Variants in TRIM9 observed in about 807,000 individuals in gnomAD.
The protein encoded by TRIM9 is tripartite motif containing 9, also known as E3 ubiquitin-protein ligase TRIM9.
Under a neutral mutation model 78.3 loss-of-function variants are expected in TRIM9, and 26 were observed. The observed-to-expected ratio is 0.33, with a 90% CI of 0.24 to 0.46. The LOEUF is 0.46. Among genes scored for constraint, TRIM9 ranks in the 20% least tolerant of loss-of-function variants. The pLI, the probability that TRIM9 is intolerant of heterozygous loss-of-function variation, is 1.00. For synonymous variants in TRIM9, 398 were observed against 416.5 expected (o/e 0.96, Z 0.54); for missense variants, 787 against 1,036.4 (o/e 0.76, Z 3.30).
At chr14:50,995,336 T>G (rs1671022169) in intron 7 of TRIM9, among the ~76,000 whole-genome samples, 1 of 152,230 alleles carries the variant, frequency 6.6e-6, no homozygotes, top group African/African-American at 2.4e-5. Context: ...AAGGCTTGTT[T>G]CCTTTTCTAG....
At chr14:51,052,913 T>C (rs1176434815) in intron 1 of TRIM9, among the ~76,000 whole-genome samples, 2 of 152,112 alleles carry the variant, frequency 1.3e-5, no homozygotes, top group South Asian at 2.1e-4. Context: ...TCCCAACATT[T>C]TGGGAGGCTG....
At position 51,010,564 on chromosome 14, in the gene TRIM9, T is replaced by C. The variant is rs75859882; in HGVS notation, c.1042-70A>G. On this transcript the variant is annotated intron_variant, in intron 3 of 12. Transcript: ENST00000684578. Reference sequence around the variant, plus strand: ...GGTAGAAGAGAAGCAAACTGGACCATTGGAAAGCTTCTTCAAACCAGAATC... The same window carrying C: ...GGTAGAAGAGAAGCAAACTGGACCACTGGAAAGCTTCTTCAAACCAGAATC... The C allele has an allele frequency of 4.0e-4, 448 of 1,119,126 alleles. 1 individual carries two copies. In the African/African-American group the frequency reaches 6.6e-3, roughly 16 times the overall value. 69.3% of individuals were successfully genotyped at this position (1,119,126 alleles called of 1,614,324 possible).
intron 7 of TRIM9, chr14:50,996,801 G>A: frequency 2.0e-6 from 2 of 985,384 alleles, no homozygotes; most frequent in Non-Finnish European, 2.4e-6. Context: ...CTCCAAATGG[G>A]AACAGGTCAT....
intron 6 of TRIM9, 51 bp downstream of exon 6, chr14:51,000,632 G>A (rs779366827): frequency 6.2e-7 from 1 of 1,604,804 alleles, no homozygotes; most frequent in Non-Finnish European, 8.5e-7. Context: ...CAGGTCCTCT[G>A]ACAGAGTCAC....
chr14:50,982,373 G>A (rs2052060824), intron 10 of TRIM9: 3 of 509,664 alleles, frequency 5.9e-6, no homozygotes, highest in East Asian at 3.5e-5. Flanking sequence ...AAGTGGCATC[G>A]ATTTTGGAAG....
At chr14:51,054,868 C>T (rs914345031) in intron 1 of TRIM9, among the ~76,000 whole-genome samples, 3 of 141,598 alleles carry the variant, frequency 2.1e-5, no homozygotes, top group African/African-American at 8.0e-5. Flanking sequence ...CTGGCTCTGT[C>T]GCCCAGGCTG....
chr14:51,034,066 A>T (rs1342286141), intron 1 of TRIM9, among the ~76,000 whole-genome samples: 1 of 152,172 alleles, frequency 6.6e-6, no homozygotes, highest in African/African-American at 2.4e-5. Flanking sequence ...GACTTTTCAA[A>T]CTGGTAATCC....
intron 3 of TRIM9, among the ~76,000 whole-genome samples, chr14:51,021,977 T>C (rs951766100): frequency 1.3e-5 from 2 of 151,498 alleles, no homozygotes; most frequent in Non-Finnish European, 2.9e-5. Context: ...ATTCTATTTT[T>C]CAATTCAAAA....
At chr14:50,978,538 C>T (rs555900811) in intron 12 of TRIM9, among the ~76,000 whole-genome samples, 2 of 152,320 alleles carry the variant, frequency 1.3e-5, no homozygotes, top group Non-Finnish European at 2.9e-5. Context: ...CACTCCCTCA[C>T]TCCTTTAAGG....
intron 1 of TRIM9, among the ~76,000 whole-genome samples, chr14:51,047,409 T>G (rs1354513855): frequency 1.3e-5 from 2 of 152,184 alleles, no homozygotes; most frequent in African/African-American, 4.8e-5. Context: ...GACAGGTGTG[T>G]GGACCCATAG....
rs376432613 is a variant in TRIM9, at chr14:50,990,148, G to A, written c.1604-4004C>T. On this transcript the variant is annotated intron_variant, in intron 7 of 12. Transcript: ENST00000684578. ...TCCTCCTCCCTCAGCATCCTGAGTA[G>A]CTGGAACTACAGGTGCATACCACTG... 3.3e-5 allele frequency among the ~76,000 whole-genome samples: 5 copies of A among 152,296 alleles called. No individual in the cohort carries two copies. The East Asian group carries it at 5.8e-4, about 18-fold the overall frequency.
intron 1 of TRIM9, among the ~76,000 whole-genome samples, chr14:51,092,340 A>G (rs2064432735): frequency 6.6e-6 from 1 of 152,250 alleles, no homozygotes. Flanking sequence ...GTAAACATGG[A>G]TCACATTCAA....
At chr14:51,023,122 G>A (rs1444117476) in intron 2 of TRIM9, among the ~76,000 whole-genome samples, 165 bp from the exon 3 acceptor site, 1 of 152,158 alleles carries the variant, frequency 6.6e-6, no homozygotes, top group Non-Finnish European at 1.5e-5. Flanking sequence ...TTCTACAGTG[G>A]TCATGTTTTG....
chr14:51,001,785 C>T (rs2055086399), intron 5 of TRIM9, among the ~76,000 whole-genome samples: 1 of 152,144 alleles, frequency 6.6e-6, no homozygotes, highest in Non-Finnish European at 1.5e-5. Context: ...TGATGTCATT[C>T]TCTCAAGGTA....
chr14:51,049,084 T>A (rs2060182525), intron 1 of TRIM9, among the ~76,000 whole-genome samples: 1 of 152,158 alleles, frequency 6.6e-6, no homozygotes, highest in South Asian at 2.1e-4. Context: ...CTTTTTCAGA[T>A]GGAGTCTTGC....
intron 3 of TRIM9, among the ~76,000 whole-genome samples, chr14:51,012,097 G>T (rs754694629): frequency 3.9e-4 from 59 of 152,130 alleles, no homozygotes; most frequent in Non-Finnish European, 7.2e-4. Flanking sequence ...ATTTTCCACT[G>T]TAACCATTTT....
In TRIM9 at chr14:51,041,678, C is replaced by G. The variant is rs145470204; in HGVS notation, c.823-16318G>C. ...ATTTCTCTGTTAAGATTAGGTGCTGCTATTGTACAATAGCACTCTTTTCTC... is the reference window on the plus strand; with the variant it reads ...ATTTCTCTGTTAAGATTAGGTGCTGGTATTGTACAATAGCACTCTTTTCTC... On this transcript the variant is annotated intron_variant, in intron 1 of 12. Coordinates refer to ENST00000684578, the MANE Select transcript of TRIM9 (RefSeq NM_001387360.1). Among the ~76,000 whole-genome samples the G allele has an allele frequency of 1.9e-3, 295 of 152,312 alleles. 3 individuals are homozygous for G. The highest frequency in any genetic ancestry group is 6.4e-3 in the African/African-American group (266 of 41,580).
chr14:51,088,357 G>A (rs2063968966), intron 1 of TRIM9, among the ~76,000 whole-genome samples: 1 of 152,104 alleles, frequency 6.6e-6, no homozygotes, highest in Non-Finnish European at 1.5e-5. Context: ...GTATACATAG[G>A]CATATTGATA....
At chr14:51,075,270 C>T (rs991694125) in intron 1 of TRIM9, among the ~76,000 whole-genome samples, 8 of 152,140 alleles carry the variant, frequency 5.3e-5, no homozygotes, top group Non-Finnish European at 8.8e-5. Flanking sequence ...TGATGGAGCC[C>T]CACTCCCACG....
Sources: allele counts gnomAD v4.1 joint callset (sites outside exome capture counted in the v4.1 genomes callset), GRCh38; gene constraint gnomAD v4.1.1; transcripts MANE v1.5; gene names NCBI Gene and HGNC (gene_info 2026-07-23, HGNC 2026-07-21).